The following NEK9 variants were observed in gnomAD, a reference collection of about 807,000 sequenced individuals.
NEK9 encodes the protein NIMA related kinase 9, also known as serine/threonine-protein kinase Nek9.
In NEK9, 75 loss-of-function variants were observed where a neutral mutation model predicts 123.4. The ratio of observed to expected loss-of-function variants is 0.61; its 90% CI spans 0.50 to 0.74. The LOEUF is 0.74. Among genes scored for constraint, NEK9 ranks in the 30% least tolerant of loss-of-function variants. The probability of loss-of-function intolerance (pLI) is 0.00; values close to 1 mark genes in which losing one functional copy is unlikely to be tolerated. For missense variants in NEK9, 952 were observed against 1,214.4 expected, an observed-to-expected ratio of 0.78 and a Z score of 3.21; for synonymous variants, 438 against 458.7, an observed-to-expected ratio of 0.95 and a Z score of 0.58.
chr14:75,087,980 G>C (rs1301217563), intron 20 of NEK9, among the ~76,000 whole-genome samples: 1 of 152,076 alleles, frequency 6.6e-6, no homozygotes, highest in Non-Finnish European at 1.5e-5. Flanking sequence ...TGTCTAAAAT[G>C]GTCTAAAATA....
intron 10 of NEK9, 45 bp downstream of exon 10, chr14:75,109,640 A>C (rs1219638982): frequency 6.4e-7 from 1 of 1,560,044 alleles, no homozygotes; most frequent in South Asian, 1.2e-5. Context: ...CCCAGTAAAC[A>C]ATTAGGCTTA....
intron 8 of NEK9, among the ~76,000 whole-genome samples, chr14:75,111,969 T>A (rs945252994): frequency 7.2e-5 from 11 of 152,170 alleles, no homozygotes; most frequent in African/African-American, 2.7e-4. Flanking sequence ...ATTTTAAATA[T>A]GCTTCACCAG....
chr14:75,088,803 C>A (rs1409526860), intron 19 of NEK9, among the ~76,000 whole-genome samples, 162 bp from the exon 20 acceptor site: 3 of 152,172 alleles, frequency 2.0e-5, no homozygotes, highest in African/African-American at 4.8e-5. Context: ...TGTGAAAAAA[C>A]TGCCACCCCT....
intron 18 of NEK9, among the ~76,000 whole-genome samples, chr14:75,095,054 G>A (rs1213035636): frequency 6.6e-6 from 1 of 152,106 alleles, no homozygotes; most frequent in African/African-American, 2.4e-5. Context: ...TGGGAATACC[G>A]TGGAAGTAGA....
chr14:75,117,913 T>C (rs1462008444), intron 5 of NEK9, among the ~76,000 whole-genome samples: 1 of 152,226 alleles, frequency 6.6e-6, no homozygotes, highest in Non-Finnish European at 1.5e-5. Context: ...ATGAATGCCC[T>C]AGCAGCTCTA....
intron 17 of NEK9, among the ~76,000 whole-genome samples, chr14:75,096,270 T>C (rs1396051309): frequency 2.5e-5 from 2 of 81,470 alleles, no homozygotes; most frequent in African/African-American, 1.0e-4. Flanking sequence ...GAGCGAGACT[T>C]CGTCTCAAAA....
At chr14:75,084,822 G>C (rs1261591932) in intron 21 of NEK9, 136 bp from the exon 22 acceptor site, 2 of 1,069,154 alleles carry the variant, frequency 1.9e-6, no homozygotes, top group African/African-American at 1.6e-5. Flanking sequence ...ACGATCTTGT[G>C]AGACGCTCAT....
At chr14:75,121,689 A>G (rs573450099) in intron 2 of NEK9, among the ~76,000 whole-genome samples, 1 of 152,326 alleles carries the variant, frequency 6.6e-6, no homozygotes, top group African/African-American at 2.4e-5. Context: ...GTCTCTACCA[A>G]AAATACAAAA....
chr14:75,107,665 G>A (rs759548454), intron 10 of NEK9, among the ~76,000 whole-genome samples, 178 bp from the exon 11 acceptor site: 2 of 151,988 alleles, frequency 1.3e-5, no homozygotes, highest in Non-Finnish European at 2.9e-5. Context: ...CACCATCCCC[G>A]GCTGAGAGGT....
intron 19 of NEK9, among the ~76,000 whole-genome samples, chr14:75,091,022 A>C (rs543645762): frequency 1.3e-5 from 2 of 152,378 alleles, no homozygotes; most frequent in African/African-American, 4.8e-5. Flanking sequence ...ACTGCCATCA[A>C]GGTAGGTTAT....
In NEK9 at chr14:75,106,512, A is replaced by C; in HGVS notation, c.1518T>G (p.Cys506Trp). The change falls in exon 12 of 22, where the codon TGT (cysteine) becomes TGG (tryptophan). Residue 506 changes from cysteine (C) to tryptophan (W), a missense_variant. Coordinates refer to ENST00000238616, the MANE Select transcript of NEK9 (RefSeq NM_033116.6). The part of the protein sequence containing the change: ...TRNKEVYSWG[C>W]GEYGRLGLDS... ...CAAGGCTACCCCTACCATATTCGCCACAGCCCCAAGAATAGACTTCCTTGT... is the reference window on the plus strand; with the variant it reads ...CAAGGCTACCCCTACCATATTCGCCCCAGCCCCAAGAATAGACTTCCTTGT... 1.9e-6 allele frequency: 3 copies of C among 1,614,044 alleles called. No individual in the cohort carries two copies. Among genetic ancestry groups the C allele is most frequent in the Non-Finnish European group, 1.7e-6 (2 of 1,179,990 alleles).
At chr14:75,123,945 G>A (rs1367922183) in intron 2 of NEK9, 101 bp downstream of exon 2, 4 of 972,454 alleles carry the variant, frequency 4.1e-6, no homozygotes, top group Non-Finnish European at 5.9e-6. Flanking sequence ...TTCATTTAAA[G>A]TTTTTATCAC....
intron 14 of NEK9, 29 bp downstream of exon 14, chr14:75,103,813 G>A: frequency 6.4e-7 from 1 of 1,568,296 alleles, no homozygotes; most frequent in Non-Finnish European, 8.6e-7. Context: ...TTCTGATGAT[G>A]TGGTTAGAAC....
chr14:75,121,349 G>T (rs763468188), intron 2 of NEK9, among the ~76,000 whole-genome samples, 175 bp from the exon 3 acceptor site: 5 of 152,092 alleles, frequency 3.3e-5, no homozygotes, highest in Non-Finnish European at 7.3e-5. Context: ...CTCAAGGACC[G>T]CATCAGAAAT....
chr14:75,084,205 G>A lies in NEK9; in HGVS notation c.*359C>T, dbSNP rs1893946992. On this transcript the variant is annotated 3_prime_UTR_variant, in exon 22 of 22. Transcript: ENST00000238616. ...TTCCCAAGGCAGCTTCCAATCAATG[G>A]TGAAAATGATACATGGGATATAAGC... 4.9e-6 allele frequency: 1 copy of A among 202,136 alleles called. No individual in the cohort carries two copies. Among genetic ancestry groups the A allele is most frequent in the South Asian group, 9.6e-5 (1 of 10,374 alleles). The allele number at this position is 202,136 out of a possible 1,614,324, so 12.5% of individuals were successfully genotyped here.
Position 75,080,696 on chromosome 14 carries a change from A to G in NEK9, c.*3868T>C, listed in dbSNP as rs1477018420. The G allele has an allele frequency of 6.9e-6, 1 of 145,786 alleles. No individual in the cohort carries two copies. 9.0% of individuals were successfully genotyped at this position (145,786 alleles called of 1,614,324 possible). ...GCTCTTGTCACCCAGGCTGGAGTGC[A>G]GTGGAGTGATCTTGGCCCACTGCAA... On this transcript the variant is annotated 3_prime_UTR_variant, in exon 22 of 22. Coordinates refer to ENST00000238616, the MANE Select transcript of NEK9 (RefSeq NM_033116.6).
chr14:75,098,792 AT>A (rs1411070874), intron 16 of NEK9, among the ~76,000 whole-genome samples: 1 of 152,194 alleles, frequency 6.6e-6, no homozygotes, highest in Non-Finnish European at 1.5e-5. Context: ...CCAAATTTAC[AT>A]TCCTCATTCT....
At chr14:75,106,385 A>G in intron 12 of NEK9, 117 bp downstream of exon 12, 3 of 648,564 alleles carry the variant, frequency 4.6e-6, no homozygotes, top group Non-Finnish European at 5.1e-6. Flanking sequence ...AAAAAAAAAA[A>G]GATTTACTGA....
intron 18 of NEK9, among the ~76,000 whole-genome samples, chr14:75,094,704 T>C (rs1257223797): frequency 1.3e-5 from 2 of 152,054 alleles, no homozygotes; most frequent in Admixed American, 1.3e-4. Context: ...CACTTGAACC[T>C]GGGAGGCAGA....
Sources: gnomAD v4.1 joint callset for allele counts (sites outside exome capture counted in the v4.1 genomes callset) on GRCh38, gnomAD v4.1.1 for gene constraint, MANE v1.5 for transcripts, NCBI Gene and HGNC (gene_info 2026-07-23, HGNC 2026-07-21) for gene names.